The following PTPRF variants were observed in gnomAD, a reference collection of about 807,000 sequenced individuals.
The protein encoded by PTPRF is receptor-type tyrosine-protein phosphatase F.
In PTPRF, 59 loss-of-function variants were observed where a neutral mutation model predicts 201.8. That is an observed-to-expected ratio of 0.29 (90% CI 0.24 to 0.36). The LOEUF (loss-of-function observed/expected upper bound fraction) is 0.36. PTPRF is among the 10% of genes least tolerant of loss of function. The pLI is 1.00. For missense variants in PTPRF, 2,132 were observed against 2,690.5 expected, an observed-to-expected ratio of 0.79 and a Z score of 4.59; for synonymous variants, 1,088 against 1,089.7, an observed-to-expected ratio of 1.00 and a Z score of 0.03.
intron 6 of PTPRF, chr1:43,576,022 T>A (rs928298388): frequency 2.5e-6 from 3 of 1,188,898 alleles, no homozygotes; most frequent in African/African-American, 3.1e-5. Flanking sequence ...CCCATCCCCA[T>A]CCCAACCTCT....
At chr1:43,586,723 T>G (rs1649252821) in intron 7 of PTPRF, among the ~76,000 whole-genome samples, 1 of 152,202 alleles carries the variant, frequency 6.6e-6, no homozygotes, top group South Asian at 2.1e-4. Flanking sequence ...TCTGTCTGTT[T>G]CTGAGCTCTC....
At position 43,606,912 on chromosome 1, in the gene PTPRF, C is replaced by T. The variant is rs369429032; in HGVS notation, c.3801C>T (p.Pro1267=). 31 of 1,614,050 alleles carry T rather than the reference C, an allele frequency of 1.9e-5. No individual in the cohort carries two copies. The highest frequency in any genetic ancestry group is 1.6e-4 in the Middle Eastern group (1 of 6,082). Residue 1267 remains proline, a synonymous_variant, in exon 21 of 34, where the codon CCC becomes CCT. Transcript: ENST00000359947. ...EEPEMLWVTG[P]VLAVILIILI... The stretch of plus-strand genomic sequence containing the variant: ...CGGAGATGCTGTGGGTGACGGGTCC[C>T]GTGCTGGCAGTCATCCTCATCATCC...
In PTPRF at chr1:43,537,436, T is replaced by TG. The variant is rs1644092098; in HGVS notation, c.-125-761dup. Among the ~76,000 whole-genome samples, 1 of 152,256 alleles carries TG rather than the reference T, an allele frequency of 6.6e-6. No homozygotes were observed. Among genetic ancestry groups the TG allele is most frequent in the Non-Finnish European group, 1.5e-5 (1 of 68,046 alleles). On this transcript the variant is annotated intron_variant, in intron 1 of 33. Transcript: ENST00000359947. The surrounding 1 kb of genome is among the most constrained non-coding windows in gnomAD (Gnocchi z 4.8). ...GGGCTGTTTTCTTTGAACTCATTCA[T>TG]GCGTTCATCCACTCATTCAGTGTAT... is the stretch of plus-strand genomic sequence containing the variant.
upstream of PTPRF, among the ~76,000 whole-genome samples, chr1:43,523,875 C>A (rs1202157053): frequency 6.7e-6 from 1 of 150,248 alleles, no homozygotes; most frequent in Non-Finnish European, 1.5e-5. Flanking sequence ...TGGCGAATCC[C>A]CTAAGTCTAC....
chr1:43,609,865 G>A (rs952566080), intron 22 of PTPRF, among the ~76,000 whole-genome samples: 30 of 152,222 alleles, frequency 2.0e-4, no homozygotes, highest in Admixed American at 1.3e-3. Flanking sequence ...TGAAAGAGGG[G>A]CATGTTAGCA....
At chr1:43,571,929 C>T (rs1646600105) in intron 6 of PTPRF, among the ~76,000 whole-genome samples, 1 of 152,234 alleles carries the variant, frequency 6.6e-6, no homozygotes, top group South Asian at 2.1e-4. Flanking sequence ...TTACAGTAAG[C>T]AGTGAGTGAG....
chr1:43,556,257 T>C (rs993971160), intron 5 of PTPRF, among the ~76,000 whole-genome samples: 2 of 152,118 alleles, frequency 1.3e-5, no homozygotes, highest in Non-Finnish European at 1.5e-5. Flanking sequence ...TTGTTTGGTT[T>C]TGGGGGGTTT....
chr1:43,580,100 G>A (rs1404356888), intron 7 of PTPRF: 1 of 152,040 alleles, frequency 6.6e-6, no homozygotes, highest in African/African-American at 2.4e-5. Context: ...TCCACCCAGG[G>A]GATTGTAAAG....
chr1:43,545,638 C>T (rs1190029870), intron 3 of PTPRF, among the ~76,000 whole-genome samples: 1 of 152,110 alleles, frequency 6.6e-6, no homozygotes, highest in East Asian at 1.9e-4. Context: ...TAGCTCTTCC[C>T]CTACGCTGGA....
At chr1:43,620,421 C>T (rs773609618) in intron 30 of PTPRF, 33 bp from the exon 31 acceptor site, 1 of 1,589,400 alleles carries the variant, frequency 6.3e-7, no homozygotes, top group Non-Finnish European at 8.6e-7. Flanking sequence ...TTCCTTCTCA[C>T]CTGATTATGG....
Position 43,591,081 on chromosome 1 carries a change from G to C in PTPRF, c.1059G>C (p.Gln353His). The C allele has an allele frequency of 6.2e-7, 1 of 1,613,968 alleles. No homozygotes were observed. The highest frequency in any genetic ancestry group is 8.5e-7 in the Non-Finnish European group (1 of 1,180,044). ...AGCCTGTAACCTACTATGGCATCCA[G>C]TACCGCGCAGCGGGCACGGAGGGCC... is the stretch of plus-strand genomic sequence containing the variant. ...NSEPVTYYGI[Q>H]YRAAGTEGPF... The change falls in exon 9 of 34, where the codon CAG becomes CAC. Residue 353 changes from glutamine to histidine, a missense_variant. Coordinates refer to ENST00000359947, the MANE Select transcript of PTPRF (RefSeq NM_002840.5).
chr1:43,599,038 C>T, intron 13 of PTPRF, 125 bp downstream of exon 13: 1 of 1,078,580 alleles, frequency 9.3e-7, no homozygotes, highest in Admixed American at 2.6e-5. Flanking sequence ...ACTGCCTTTC[C>T]TTGGTTGTGA....
chr1:43,605,653 G>A (rs376644966), intron 19 of PTPRF, 31 bp downstream of exon 19: 3 of 1,588,468 alleles, frequency 1.9e-6, no homozygotes, highest in Non-Finnish European at 2.6e-6. Flanking sequence ...GACACTGACA[G>A]CCCCATTGCA....
At chr1:43,610,969 A>G (rs773702788) in intron 22 of PTPRF, among the ~76,000 whole-genome samples, 6 of 152,252 alleles carry the variant, frequency 3.9e-5, no homozygotes, top group Admixed American at 6.5e-5. Context: ...CATTAAATAG[A>G]TGCAGTAGAT....
intron 23 of PTPRF, among the ~76,000 whole-genome samples, chr1:43,615,455 C>G (rs1312870689): frequency 6.6e-6 from 1 of 151,022 alleles, no homozygotes; most frequent in African/African-American, 2.4e-5. Context: ...CTGATCAGAG[C>G]TTTCCTTACA....
intron 12 of PTPRF, chr1:43,598,486 C>T (rs1652937481): frequency 3.8e-6 from 2 of 532,662 alleles, no homozygotes; most frequent in South Asian, 2.9e-5. Flanking sequence ...ACCCTCCCCA[C>T]CAAGTGAGAG....
At chr1:43,593,857 T>C (rs1439587173) in intron 11 of PTPRF, among the ~76,000 whole-genome samples, 6 of 151,884 alleles carry the variant, frequency 4.0e-5, no homozygotes, top group Non-Finnish European at 5.9e-5. Context: ...GTGGTGGTGG[T>C]TGCCTGCAAT....
intron 9 of PTPRF, 95 bp from the exon 10 acceptor site, chr1:43,591,717 G>A: frequency 6.6e-7 from 1 of 1,516,060 alleles, no homozygotes; most frequent in South Asian, 1.3e-5. Context: ...GGATAAGGGT[G>A]TGAGGTTAGG....
rs1654242231 is a variant in PTPRF at position 43,603,324 on chromosome 1, G to T, written c.2341-92G>T. ...AACCCCTGGCCTTGTGTGCCCCGGG[G>T]CTCCCCTCAGGCTAGGGTCCTGAGG... is the stretch of plus-strand genomic sequence containing the variant. On this transcript the variant is annotated intron_variant, in intron 14 of 33. Transcript: ENST00000359947. The surrounding 1 kb of genome is among the most constrained non-coding windows in gnomAD (Gnocchi z 5.8). 2 of 1,146,498 alleles carry T rather than the reference G, an allele frequency of 1.7e-6. No individual in the cohort carries two copies. Among genetic ancestry groups the T allele is most frequent in the South Asian group, 2.5e-5 (2 of 78,866 alleles). The allele number at this position is 1,146,498 out of a possible 1,614,324, so 71.0% of individuals were successfully genotyped here. A position where few individuals can be genotyped will look rare whatever the true frequency, so the allele number is the denominator to read the frequency against.
Sources: gnomAD v4.1 joint callset for allele counts (sites outside exome capture counted in the v4.1 genomes callset) on GRCh38, gnomAD v4.1.1 for gene constraint, Gnocchi (gnomAD v3.1) non-coding constraint, MANE v1.5 for transcripts, NCBI Gene and HGNC (gene_info 2026-07-23, HGNC 2026-07-21) for gene names.